Variants in UBA6 observed in about 807,000 individuals in gnomAD.
The protein encoded by UBA6 is ubiquitin-like modifier-activating enzyme 6.
In UBA6, 87 loss-of-function variants were observed where a neutral mutation model predicts 148.3. The observed-to-expected ratio is 0.59, with a 90% CI of 0.49 to 0.70. UBA6 has a LOEUF of 0.70. Ranked by LOEUF, UBA6 falls within the 30% of genes least tolerant of loss-of-function variation. The pLI, the probability that UBA6 is intolerant of heterozygous loss-of-function variation, is 0.00. For synonymous variants in UBA6, 376 were observed against 401.0 expected (o/e 0.94, Z 0.75); for missense variants, 1,186 against 1,241.2 (o/e 0.96, Z 0.67).
intron 13 of UBA6, among the ~76,000 whole-genome samples, chr4:67,656,574 A>G (rs1560489191): frequency 6.6e-6 from 1 of 152,242 alleles, no homozygotes; most frequent in Admixed American, 6.5e-5. Flanking sequence ...AGCCAATATC[A>G]TACTGAATGG....
At chr4:67,631,081 T>C (rs1360667828) in intron 25 of UBA6, among the ~76,000 whole-genome samples, 2 of 151,904 alleles carry the variant, frequency 1.3e-5, no homozygotes, top group Admixed American at 6.6e-5. Context: ...ATACATAAGG[T>C]TGGGTGTGGT....
chr4:67,650,764 C>G (rs916756512), intron 13 of UBA6, among the ~76,000 whole-genome samples: 2 of 151,968 alleles, frequency 1.3e-5, no homozygotes, highest in African/African-American at 4.8e-5. Flanking sequence ...AAAGAAAGAC[C>G]CACACTAAGT....
At position 67,625,138 on chromosome 4, in the gene UBA6, A is replaced by G. The variant is rs771660238; in HGVS notation, c.2568T>C (p.Asn856=). 3.8e-5 allele frequency: 62 copies of G among 1,612,554 alleles called. No individual in the cohort carries two copies. The highest frequency in any genetic ancestry group is 4.9e-5 in the Non-Finnish European group (58 of 1,179,134). ...VLSFEKDDDH[N]GHIDFITAAS... ...CAGCTGTGATGAAATCTATGTGTCC[A>G]TTATGATCATCATCTTTTTCAAATG... Residue 856 remains asparagine (N), a synonymous_variant, in exon 29 of 33, where the codon AAT becomes AAC. Coordinates refer to ENST00000322244, the MANE Select transcript of UBA6 (RefSeq NM_018227.6).
intron 30 of UBA6, among the ~76,000 whole-genome samples, chr4:67,623,673 A>T (rs1464721305): frequency 3.9e-5 from 6 of 152,188 alleles, no homozygotes; most frequent in Non-Finnish European, 8.8e-5. Context: ...TGTGGATTAT[A>T]GTATTTTGTA....
intron 11 of UBA6, 143 bp downstream of exon 11, chr4:67,663,742 T>C (rs2109933853): frequency 1.8e-6 from 1 of 565,860 alleles, no homozygotes; most frequent in East Asian, 3.0e-5. Flanking sequence ...TTTAGATATG[T>C]GAGTATAACC....
chr4:67,682,058 T>C, intron 3 of UBA6, 61 bp downstream of exon 3: 1 of 1,263,484 alleles, frequency 7.9e-7, no homozygotes, highest in Non-Finnish European at 1.2e-6. Context: ...TGAAGTTAAG[T>C]TATTTAAACT....
intron 19 of UBA6, 123 bp from the exon 20 acceptor site, chr4:67,635,681 G>C (rs1398956717): frequency 1.7e-6 from 1 of 593,444 alleles, no homozygotes; most frequent in Admixed American, 2.8e-5. Context: ...CAGTATTTTA[G>C]GAAAACAGAT....
rs565409243 is a variant in UBA6, at chr4:67,615,150, G to C, written c.*3847C>G. ...TCCCCAGTGTTGGAGGTGAGGGCTG[G>C]TGGGAGGTGTTCGGGTTATGGGGAT... On this transcript the variant is annotated 3_prime_UTR_variant, in exon 33 of 33. Coordinates refer to ENST00000322244, the MANE Select transcript of UBA6 (RefSeq NM_018227.6). 6.6e-6 allele frequency: 1 copy of C among 152,364 alleles called. No individual in the cohort carries two copies. The highest frequency in any genetic ancestry group is 6.5e-5 in the Admixed American group (1 of 15,308). 9.4% of individuals were successfully genotyped at this position (152,364 alleles called of 1,614,324 possible).
intron 1 of UBA6, 132 bp downstream of exon 1, chr4:67,700,917 G>A (rs1232906493): frequency 8.2e-6 from 9 of 1,094,918 alleles, no homozygotes; most frequent in Admixed American, 2.6e-5. Context: ...CGCGCCCCTC[G>A]CCTCCCAGGG....
At chr4:67,653,495 C>T (rs918751869) in intron 13 of UBA6, among the ~76,000 whole-genome samples, 2 of 152,132 alleles carry the variant, frequency 1.3e-5, no homozygotes, top group African/African-American at 4.8e-5. Context: ...TCAACATCAA[C>T]AAAAAGGACA....
chr4:67,676,943 A>G (rs1730294993), intron 6 of UBA6, among the ~76,000 whole-genome samples: 2 of 151,866 alleles, frequency 1.3e-5, no homozygotes, highest in South Asian at 2.1e-4. Flanking sequence ...CTTTTACAAT[A>G]TCCAAGGTCC....
intron 13 of UBA6, among the ~76,000 whole-genome samples, chr4:67,657,392 A>T (rs1442346055): frequency 2.0e-5 from 3 of 152,170 alleles, no homozygotes; most frequent in Non-Finnish European, 4.4e-5. Flanking sequence ...ATCTACAACC[A>T]TCTGATCTTT....
At chr4:67,647,442 A>G (rs1202705749) in intron 14 of UBA6, among the ~76,000 whole-genome samples, 1 of 151,906 alleles carries the variant, frequency 6.6e-6, no homozygotes, top group East Asian at 1.9e-4. Context: ...CACTGCGCCC[A>G]GTCATAATTT....
intron 19 of UBA6, 124 bp downstream of exon 19, chr4:67,638,819 A>G (rs939637103): frequency 1.6e-6 from 1 of 622,084 alleles, no homozygotes. Flanking sequence ...TTTGTGTTTG[A>G]GGAGTACTAC....
chr4:67,666,530 C>CAT (rs1488089001), intron 9 of UBA6, among the ~76,000 whole-genome samples: 1 of 151,928 alleles, frequency 6.6e-6, no homozygotes, highest in Non-Finnish European at 1.5e-5. Context: ...CATATACACA[C>CAT]ATATATATAT....
chr4:67,631,013 T>C (rs919719744), intron 25 of UBA6, among the ~76,000 whole-genome samples: 14 of 152,116 alleles, frequency 9.2e-5, no homozygotes, highest in Non-Finnish European at 2.1e-4. Context: ...AAATTAAGCA[T>C]AGAGTTATCT....
rs139787136 is a variant in UBA6, at chr4:67,657,033, G to A, written c.1104+5156C>T. Among the ~76,000 whole-genome samples the A allele has an allele frequency of 2.7e-3, 418 of 152,200 alleles. 3 individuals are homozygous for A. Among genetic ancestry groups the A allele is most frequent in the African/African-American group, 9.8e-3 (406 of 41,522 alleles). ...CCCACTGCTCAACGAAATAAAAGAGGACACAAACAAATGGAAGAACATTCC... is the reference window on the plus strand; with the variant it reads ...CCCACTGCTCAACGAAATAAAAGAGAACACAAACAAATGGAAGAACATTCC... On this transcript the variant is annotated intron_variant, in intron 13 of 32. Coordinates refer to ENST00000322244, the MANE Select transcript of UBA6 (RefSeq NM_018227.6).
At chr4:67,655,791 G>A (rs545999477) in intron 13 of UBA6, among the ~76,000 whole-genome samples, 5 of 152,246 alleles carry the variant, frequency 3.3e-5, no homozygotes, top group Non-Finnish European at 5.9e-5. Flanking sequence ...TAGACTGCTA[G>A]CAAGACTAAT....
chr4:67,620,277 G>A (rs1728723542), intron 32 of UBA6, among the ~76,000 whole-genome samples: 1 of 152,122 alleles, frequency 6.6e-6, no homozygotes, highest in African/African-American at 2.4e-5. Flanking sequence ...TAATATAACA[G>A]TAGCTTTACT....
Sources: allele counts gnomAD v4.1 joint callset (sites outside exome capture counted in the v4.1 genomes callset), GRCh38; gene constraint gnomAD v4.1.1; transcripts MANE v1.5; gene names NCBI Gene and HGNC (gene_info 2026-07-23, HGNC 2026-07-21).